The following NRIP1 variants were observed in gnomAD, a reference collection of about 807,000 sequenced individuals.
NRIP1 encodes the protein nuclear receptor interacting protein 1.
In NRIP1, 28 loss-of-function variants were observed where a neutral mutation model predicts 75.0. The observed-to-expected ratio is 0.37, with a 90% CI of 0.28 to 0.51. The LOEUF is 0.51. NRIP1 is among the 20% of genes least tolerant of loss of function. The pLI is 0.92. For synonymous variants in NRIP1, 526 were observed against 487.6 expected (o/e 1.08, Z -1.04); for missense variants, 1,435 against 1,343.7 (o/e 1.07, Z -1.06).
intron 3 of NRIP1, among the ~76,000 whole-genome samples, chr21:14,980,054 T>C (rs1261123798): frequency 2.6e-5 from 4 of 152,218 alleles, no homozygotes; most frequent in Admixed American, 2.6e-4. Flanking sequence ...ACTTAACTTG[T>C]AAGTCACTGC....
At chr21:15,061,693 C>T (rs1057315457) in intron 1 of NRIP1, among the ~76,000 whole-genome samples, 1 of 152,194 alleles carries the variant, frequency 6.6e-6, no homozygotes, top group Non-Finnish European at 1.5e-5. Context: ...ACTATTACTG[C>T]TTTTCCCAAA....
rs2086644160 is a variant in NRIP1 at position 14,963,537 on chromosome 21, T to C, written c.*1179A>G. The C allele has an allele frequency of 6.6e-6, 1 of 152,548 alleles. No homozygotes were observed. Among genetic ancestry groups the C allele is most frequent in the African/African-American group, 2.4e-5 (1 of 41,444 alleles). 9.4% of individuals were successfully genotyped at this position (152,548 alleles called of 1,614,324 possible). A position where few individuals can be genotyped will look rare whatever the true frequency, so the allele number is the denominator to read the frequency against. ...TGCAAATTTTGAGCTGATGTGTGAC[T>C]GTATTGGGGAAAATAGAGGCATCAC... is the stretch of plus-strand genomic sequence containing the variant. On this transcript the variant is annotated 3_prime_UTR_variant, in exon 4 of 4. Coordinates refer to ENST00000318948, the MANE Select transcript of NRIP1 (RefSeq NM_003489.4).
At position 14,967,164 on chromosome 21, in the gene NRIP1, A is replaced by G. The variant is rs2086775495; in HGVS notation, c.1029T>C (p.Ala343=). 6.2e-7 allele frequency: 1 copy of G among 1,614,134 alleles called. No individual in the cohort carries two copies. The highest frequency in any genetic ancestry group is 2.2e-5 in the East Asian group (1 of 44,878). The change falls in exon 4 of 4, where the codon GCT becomes GCC. Residue 343 remains alanine, a synonymous_variant. Coordinates refer to ENST00000318948, the MANE Select transcript of NRIP1 (RefSeq NM_003489.4). ...TACCCATTGGATTTTGAAACACTGT[A>G]GCACTACTTTTGCTAGCCATCAGTT... ...SSKLMASKSS[A]TVFQNPMGII...
At chr21:15,039,628 AAACT>A (rs1387215909) in intron 2 of NRIP1, among the ~76,000 whole-genome samples, 1 of 152,148 alleles carries the variant, frequency 6.6e-6, no homozygotes, top group Non-Finnish European at 1.5e-5. Context: ...GTACACATAC[AAACT>A]ATCTGTAAAC....
intron 3 of NRIP1, among the ~76,000 whole-genome samples, chr21:14,985,740 G>A (rs1160392409): frequency 6.6e-6 from 1 of 151,940 alleles, no homozygotes; most frequent in Non-Finnish European, 1.5e-5. Flanking sequence ...ATGGATTTAG[G>A]TTATATCAAG....
At chr21:14,983,019 C>A (rs1000089297) in intron 3 of NRIP1, among the ~76,000 whole-genome samples, 1 of 152,014 alleles carries the variant, frequency 6.6e-6, no homozygotes, top group Non-Finnish European at 1.5e-5. Context: ...TCTCCTCAGT[C>A]CTTTTTATTG....
chr21:14,971,615 A>G (rs1178291997), intron 3 of NRIP1: 3 of 152,334 alleles, frequency 2.0e-5, no homozygotes, highest in East Asian at 1.9e-4. Context: ...AATAATAAAA[A>G]TATCTTCTCC....
At chr21:15,031,091 T>A (rs8132508) in intron 2 of NRIP1, among the ~76,000 whole-genome samples, 484 of 28,362 alleles carry the variant, frequency 0.017, 23 homozygotes, top group African/African-American at 0.06. Context: ...TGGAAGGCGC[T>A]CGGAGGATCA....
chr21:15,065,751 G>A (rs1180320312), upstream of NRIP1: 1 of 152,314 alleles, frequency 6.6e-6, no homozygotes, highest in Non-Finnish European at 1.5e-5. Flanking sequence ...TCAGCTCCCT[G>A]GACAGACGTA....
At chr21:15,037,212 C>G (rs2088855974) in intron 2 of NRIP1, among the ~76,000 whole-genome samples, 1 of 152,182 alleles carries the variant, frequency 6.6e-6, no homozygotes, top group Non-Finnish European at 1.5e-5. Context: ...CCATATCACA[C>G]TTTGCAACCT....
At chr21:15,064,492 G>A (rs945110199) in intron 1 of NRIP1, among the ~76,000 whole-genome samples, 6 of 152,056 alleles carry the variant, frequency 3.9e-5, no homozygotes, top group African/African-American at 1.4e-4. Context: ...GCCCAGAACT[G>A]GCACGGACGG....
chr21:14,985,837 A>C (rs2087384855), intron 3 of NRIP1, among the ~76,000 whole-genome samples: 1 of 152,076 alleles, frequency 6.6e-6, no homozygotes, highest in African/African-American at 2.4e-5. Flanking sequence ...AAAGATGAAA[A>C]CCCAGTTAAC....
At chr21:15,017,289 T>A (rs893225455) in intron 2 of NRIP1, among the ~76,000 whole-genome samples, 5 of 152,030 alleles carry the variant, frequency 3.3e-5, no homozygotes, top group Non-Finnish European at 5.9e-5. Flanking sequence ...AACTCCTGGG[T>A]TCAAATGATC....
intron 2 of NRIP1, among the ~76,000 whole-genome samples, chr21:15,029,354 T>C (rs1413514489): frequency 6.6e-6 from 1 of 152,074 alleles, no homozygotes; most frequent in East Asian, 1.9e-4. Flanking sequence ...GAGGGCTGCA[T>C]CACTAGCTCC....
At chr21:14,987,406 C>G (rs1053779843) in intron 3 of NRIP1, among the ~76,000 whole-genome samples, 2 of 151,840 alleles carry the variant, frequency 1.3e-5, no homozygotes, top group African/African-American at 4.9e-5. Context: ...TTTGGGGACA[C>G]AAAAAACAAG....
At chr21:15,052,920 A>G (rs1186205196) in intron 1 of NRIP1, among the ~76,000 whole-genome samples, 1 of 152,232 alleles carries the variant, frequency 6.6e-6, no homozygotes, top group Admixed American at 6.5e-5. Context: ...GATCAGTAAC[A>G]TAAAACAAAA....
intron 2 of NRIP1, among the ~76,000 whole-genome samples, chr21:15,019,532 A>AAGC (rs1051546893): frequency 1.8e-5 from 2 of 114,216 alleles, no homozygotes; most frequent in African/African-American, 6.7e-5. Flanking sequence ...TCTGTCGCCC[A>AAGC]AGCTGGAGTG....
intron 1 of NRIP1, among the ~76,000 whole-genome samples, chr21:15,062,741 T>A (rs760666642): frequency 5.9e-5 from 9 of 152,020 alleles, no homozygotes; most frequent in Non-Finnish European, 1.3e-4. Flanking sequence ...AGCAATAAAC[T>A]AACAAACAGA....
intron 2 of NRIP1, among the ~76,000 whole-genome samples, chr21:15,026,395 T>C (rs1215208515): frequency 6.6e-6 from 1 of 152,206 alleles, no homozygotes; most frequent in African/African-American, 2.4e-5. Flanking sequence ...TTCTTAGATC[T>C]GACAATGATG....
Sources: gnomAD v4.1 joint callset for allele counts (sites outside exome capture counted in the v4.1 genomes callset) on GRCh38, gnomAD v4.1.1 for gene constraint, MANE v1.5 for transcripts, NCBI Gene and HGNC (gene_info 2026-07-23, HGNC 2026-07-21) for gene names.